Variants in CNTNAP2 observed in about 807,000 individuals in gnomAD.
CNTNAP2 encodes contactin-associated protein-like 2.
Under a neutral mutation model 155.2 loss-of-function variants are expected in CNTNAP2, and 98 were observed. The ratio of observed to expected loss-of-function variants is 0.63; its 90% CI spans 0.54 to 0.75. The LOEUF is 0.75. Ranked by LOEUF, CNTNAP2 falls within the 30% of genes least tolerant of loss-of-function variation. The probability of loss-of-function intolerance (pLI) is 0.00; values close to 1 mark genes in which losing one functional copy is unlikely to be tolerated. For missense variants in CNTNAP2, 1,727 were observed against 1,688.1 expected (o/e 1.02, Z -0.40); for synonymous variants, 651 against 631.2 (o/e 1.03, Z -0.47).
chr7:147,175,479 G>C (rs1802321360), intron 8 of CNTNAP2, among the ~76,000 whole-genome samples: 1 of 151,886 alleles, frequency 6.6e-6, no homozygotes, highest in Non-Finnish European at 1.5e-5. Flanking sequence ...TTCTTGTTAG[G>C]CATAATTTTA....
chr7:146,657,612 C>T (rs907722638), intron 1 of CNTNAP2, among the ~76,000 whole-genome samples: 2 of 152,064 alleles, frequency 1.3e-5, no homozygotes, highest in African/African-American at 4.8e-5. Context: ...TTTTGACCCT[C>T]TTATCTTTGA....
At chr7:147,492,292 G>C (rs765944898) in intron 11 of CNTNAP2, among the ~76,000 whole-genome samples, 33 of 152,208 alleles carry the variant, frequency 2.2e-4, no homozygotes, top group Non-Finnish European at 3.8e-4. Context: ...TGATCTGACA[G>C]AAGACGGAGC....
intron 1 of CNTNAP2, among the ~76,000 whole-genome samples, chr7:146,461,158 T>C (rs143563825): frequency 0.027 from 4,159 of 151,922 alleles, 140 homozygotes; most frequent in African/African-American, 0.074. Flanking sequence ...AATCCCAGCA[T>C]TATGGGAGGC....
At chr7:146,611,144 C>T (rs896007009) in intron 1 of CNTNAP2, among the ~76,000 whole-genome samples, 14 of 152,232 alleles carry the variant, frequency 9.2e-5, no homozygotes, top group African/African-American at 3.4e-4. Context: ...CTCGCTCTGT[C>T]GCCAAGGCTG....
At chr7:148,247,623 C>CTA (rs1220582979) in intron 20 of CNTNAP2, among the ~76,000 whole-genome samples, 2,009 of 102,146 alleles carry the variant, frequency 0.02, 13 homozygotes, top group Middle Eastern at 0.028. Flanking sequence ...CTCTCTCTCT[C>CTA]TCTATTTATT....
chr7:148,177,201 C>T (rs1461529108), intron 18 of CNTNAP2, among the ~76,000 whole-genome samples: 4 of 152,094 alleles, frequency 2.6e-5, no homozygotes, highest in Admixed American at 1.3e-4. Flanking sequence ...CAGAATACAA[C>T]GTTGTTTGGA....
At chr7:147,730,583 A>G (rs73472854) in intron 13 of CNTNAP2, among the ~76,000 whole-genome samples, 4,382 of 152,094 alleles carry the variant, frequency 0.029, 175 homozygotes, top group African/African-American at 0.095. Flanking sequence ...CCGACCAGCC[A>G]TTACCCCATC....
chr7:146,597,919 A>G (rs955121952), intron 1 of CNTNAP2, among the ~76,000 whole-genome samples: 8 of 152,118 alleles, frequency 5.3e-5, no homozygotes, highest in African/African-American at 1.9e-4. Flanking sequence ...AGTCACATGC[A>G]TCTTTTGGCT....
chr7:146,496,342 G>A (rs1162266173), intron 1 of CNTNAP2, among the ~76,000 whole-genome samples: 7 of 152,072 alleles, frequency 4.6e-5, no homozygotes, highest in East Asian at 1.9e-4. Flanking sequence ...CATTTACTTC[G>A]TCAATTCCTT....
intron 1 of CNTNAP2, among the ~76,000 whole-genome samples, chr7:146,638,470 G>GTTTTTTTT (rs1799642232): frequency 1.2e-5 from 1 of 85,120 alleles, no homozygotes. Flanking sequence ...ATACAGTCAG[G>GTTTTTTTT]TGTTTCTTTT....
chr7:146,525,591 C>G (rs1380492086), intron 1 of CNTNAP2, among the ~76,000 whole-genome samples: 1 of 148,662 alleles, frequency 6.7e-6, no homozygotes, highest in South Asian at 2.1e-4. Context: ...TATCTATCAT[C>G]TATCTATCAT....
rs186105178 is a variant in CNTNAP2 at position 148,006,510 on chromosome 7, G to A, written c.2383+28521G>A. Among the ~76,000 whole-genome samples the A allele has an allele frequency of 8.7e-3, 1,317 of 151,628 alleles. 6 individuals are homozygous for A. The highest frequency in any genetic ancestry group is 0.014 in the Middle Eastern group (4 of 294). ...ATTTTTGTATTTTTAGTGGAGACAG[G>A]ATTTCACCATGTTGGCCAGGCTGGT... On this transcript the variant is annotated intron_variant, in intron 15 of 23. Transcript: ENST00000361727.
Position 147,484,077 on chromosome 7 carries a change from G to A in CNTNAP2, c.1671-1858G>A, listed in dbSNP as rs73743512. Among the ~76,000 whole-genome samples the A allele has an allele frequency of 2.9e-3, 446 of 152,048 alleles. 5 individuals are homozygous for A. Among genetic ancestry groups the A allele is most frequent in the African/African-American group, 0.01 (432 of 41,464 alleles). On this transcript the variant is annotated intron_variant, in intron 10 of 23. Coordinates refer to ENST00000361727, the MANE Select transcript of CNTNAP2 (RefSeq NM_014141.6). ...AGTATCCAAATTTCTATAGCATTTCGTGTATCTTTTATGACTCATCAAATT... is the reference window on the plus strand; with the variant it reads ...AGTATCCAAATTTCTATAGCATTTCATGTATCTTTTATGACTCATCAAATT...
At chr7:148,057,182 T>C (rs576313823) in intron 15 of CNTNAP2, among the ~76,000 whole-genome samples, 12 of 152,108 alleles carry the variant, frequency 7.9e-5, no homozygotes, top group South Asian at 6.2e-4. Context: ...GTCACAGGCG[T>C]CGTAAACCCT....
intron 13 of CNTNAP2, among the ~76,000 whole-genome samples, chr7:147,688,836 C>T (rs1796050804): frequency 6.6e-6 from 1 of 152,178 alleles, no homozygotes; most frequent in South Asian, 2.1e-4. Flanking sequence ...CATCACCTAA[C>T]TTAACCACAT....
intron 22 of CNTNAP2, among the ~76,000 whole-genome samples, chr7:148,393,490 C>T (rs1475417746): frequency 6.6e-6 from 1 of 152,190 alleles, no homozygotes; most frequent in Non-Finnish European, 1.5e-5. Flanking sequence ...TGGTATTAGT[C>T]TTACCTATTT....
At chr7:147,714,860 C>G (rs767807571) in intron 13 of CNTNAP2, among the ~76,000 whole-genome samples, 4 of 152,054 alleles carry the variant, frequency 2.6e-5, no homozygotes, top group Non-Finnish European at 5.9e-5. Context: ...CATCCCTTAC[C>G]CCTGGAAACC....
intron 3 of CNTNAP2, among the ~76,000 whole-genome samples, chr7:146,842,748 C>T (rs544933944): frequency 6.6e-5 from 10 of 151,798 alleles, no homozygotes; most frequent in East Asian, 5.9e-4. Flanking sequence ...TGCAGTGACG[C>T]GATCTCGGCT....
intron 13 of CNTNAP2, among the ~76,000 whole-genome samples, chr7:147,825,326 C>A (rs1419435244): frequency 6.6e-6 from 1 of 152,058 alleles, no homozygotes; most frequent in East Asian, 1.9e-4. Flanking sequence ...GAGTATTGAC[C>A]CAGCAATTTA....
Sources: allele counts gnomAD v4.1 joint callset (sites outside exome capture counted in the v4.1 genomes callset), GRCh38; gene constraint gnomAD v4.1.1; transcripts MANE v1.5; gene names NCBI Gene and HGNC (gene_info 2026-07-23, HGNC 2026-07-21).